PLCH1: variants seen among roughly 807,000 people sequenced by gnomAD.
The protein encoded by PLCH1 is 1-phosphatidylinositol 4,5-bisphosphate phosphodiesterase eta-1.
PLCH1 carries 60 observed loss-of-function variants against 126.7 expected under a neutral mutation model. That is an observed-to-expected ratio of 0.47 (90% CI 0.38 to 0.59). PLCH1 has a LOEUF of 0.59. Ranked by LOEUF, PLCH1 falls within the 20% of genes least tolerant of loss-of-function variation. The pLI, the probability that PLCH1 is intolerant of heterozygous loss-of-function variation, is 0.00. For synonymous variants in PLCH1, 719 were observed against 734.9 expected (o/e 0.98, Z 0.35); for missense variants, 1,723 against 2,040.0 (o/e 0.84, Z 2.99).
chr3:155,585,542 A>G (rs1056514890), intron 5 of PLCH1, among the ~76,000 whole-genome samples: 1 of 152,286 alleles, frequency 6.6e-6, no homozygotes, highest in East Asian at 1.9e-4. Flanking sequence ...ATTTTTCTCA[A>G]TGACTCATCA....
At position 155,555,201 on chromosome 3, in the gene PLCH1, C is replaced by T. The variant is rs572484035; in HGVS notation, c.1070-1005G>A. 1.1e-4 allele frequency among the ~76,000 whole-genome samples: 17 copies of T among 152,326 alleles called. No homozygotes were observed. The East Asian group carries it at 1.2e-3, about 10-fold the overall frequency. On this transcript the variant is annotated intron_variant, in intron 8 of 22. Coordinates refer to ENST00000460012, the MANE Select transcript of PLCH1 (RefSeq NM_014996.4). ...ATAGCTCTTGCGTGCTTACCTCCAACGCCCCTGTCTCTTGTGCTAGAGCCT... is the reference window on the plus strand; with the variant it reads ...ATAGCTCTTGCGTGCTTACCTCCAATGCCCCTGTCTCTTGTGCTAGAGCCT...
intron 1 of PLCH1, among the ~76,000 whole-genome samples, chr3:155,723,816 T>C (rs1357837462): frequency 2.6e-5 from 4 of 152,010 alleles, no homozygotes; most frequent in African/African-American, 9.7e-5. Flanking sequence ...TAGCTGGGCA[T>C]GGTCACAGGT....
Position 155,676,225 on chromosome 3 carries a change from T to C in PLCH1, c.79+27921A>G, listed in dbSNP as rs1744073621. Reference sequence around the variant, plus strand: ...GATGAGATCTTCACAATTCAGGCTTTATAGTGTGGAGAAAATAAATCCATG... The same window carrying C: ...GATGAGATCTTCACAATTCAGGCTTCATAGTGTGGAGAAAATAAATCCATG... On this transcript the variant is annotated intron_variant, in intron 2 of 22. Transcript: ENST00000460012. 4.0e-6 allele frequency: 5 copies of C among 1,253,704 alleles called. No homozygotes were observed. The South Asian group carries it at 1.4e-4, about 35-fold the overall frequency. The allele number at this position is 1,253,704 out of a possible 1,614,324, so 77.7% of individuals were successfully genotyped here. A position where few individuals can be genotyped will look rare whatever the true frequency, so the allele number is the denominator to read the frequency against.
chr3:155,681,406 C>G (rs1744523598), intron 2 of PLCH1, among the ~76,000 whole-genome samples: 1 of 152,130 alleles, frequency 6.6e-6, no homozygotes, highest in Non-Finnish European at 1.5e-5. Flanking sequence ...TTTCTCTAGT[C>G]TCAAATGTGG....
At chr3:155,626,698 G>A (rs1737310883) in intron 2 of PLCH1, among the ~76,000 whole-genome samples, 1 of 144,614 alleles carries the variant, frequency 6.9e-6, no homozygotes, top group Non-Finnish European at 1.5e-5. Flanking sequence ...GAACCCGGGA[G>A]GCAGAGCTTG....
chr3:155,732,551 C>T (rs1265625507), intron 1 of PLCH1, among the ~76,000 whole-genome samples: 1 of 150,934 alleles, frequency 6.6e-6, no homozygotes, highest in East Asian at 1.9e-4. Flanking sequence ...TAAACTAATT[C>T]AGTAAAGTTG....
chr3:155,473,185 G>C (rs1324566550), intron 21 of PLCH1, among the ~76,000 whole-genome samples: 1 of 150,926 alleles, frequency 6.6e-6, no homozygotes, highest in African/African-American at 2.4e-5. Flanking sequence ...AAACCCCATT[G>C]TCTCAGCCCA....
intron 6 of PLCH1, among the ~76,000 whole-genome samples, chr3:155,570,546 A>G (rs984651646): frequency 6.6e-6 from 1 of 152,226 alleles, no homozygotes; most frequent in African/African-American, 2.4e-5. Flanking sequence ...ACATTTATAT[A>G]ATGCTGTCAA....
At chr3:155,695,888 G>A (rs1379375653) in intron 2 of PLCH1, among the ~76,000 whole-genome samples, 1 of 152,202 alleles carries the variant, frequency 6.6e-6, no homozygotes, top group Non-Finnish European at 1.5e-5. Context: ...GCAAACGTCA[G>A]TGTTTCTGGG....
chr3:155,659,873 A>G (rs896681709), intron 2 of PLCH1, among the ~76,000 whole-genome samples: 7 of 152,054 alleles, frequency 4.6e-5, no homozygotes. Flanking sequence ...GGCTCAAGCA[A>G]TCCACCACCT....
intron 15 of PLCH1, among the ~76,000 whole-genome samples, chr3:155,495,184 C>A (rs144859976): frequency 6.6e-6 from 1 of 152,004 alleles, no homozygotes; most frequent in African/African-American, 2.4e-5. Context: ...CACCTAGCCA[C>A]GCATATAAAC....
In PLCH1 at chr3:155,480,863, A is replaced by G; in HGVS notation, c.*105T>C. 9.9e-7 allele frequency: 1 copy of G among 1,015,158 alleles called. No individual in the cohort carries two copies. Among genetic ancestry groups the G allele is most frequent in the Non-Finnish European group, 1.4e-6 (1 of 693,948 alleles). 62.9% of individuals were successfully genotyped at this position (1,015,158 alleles called of 1,614,324 possible). A position where few individuals can be genotyped will look rare whatever the true frequency, so the allele number is the denominator to read the frequency against. On this transcript the variant is annotated 3_prime_UTR_variant, in exon 23 of 23. Transcript: ENST00000460012. ...CAAAGGGAGACCCAAATACAAGTTT[A>G]AAAATACATTTGAAAATCATTCCAA...
intron 21 of PLCH1, among the ~76,000 whole-genome samples, chr3:155,468,290 A>G (rs955186467): frequency 6.6e-6 from 1 of 152,238 alleles, no homozygotes; most frequent in African/African-American, 2.4e-5. Flanking sequence ...ACTAAATCAT[A>G]TCACCAGAGA....
At chr3:155,675,957 A>G in intron 2 of PLCH1, 1 of 1,017,244 alleles carries the variant, frequency 9.8e-7, no homozygotes, top group Non-Finnish European at 1.5e-6. Context: ...TTTTACTAGG[A>G]CTATTACACT....
intron 1 of PLCH1, among the ~76,000 whole-genome samples, chr3:155,712,632 C>T (rs1430854854): frequency 1.3e-5 from 2 of 152,000 alleles, no homozygotes; most frequent in African/African-American, 4.8e-5. Flanking sequence ...CCCAGCTCCT[C>T]GGGAGGCTGA....
intron 2 of PLCH1, among the ~76,000 whole-genome samples, chr3:155,639,684 A>G (rs934747828): frequency 4.6e-5 from 7 of 152,184 alleles, no homozygotes; most frequent in African/African-American, 1.7e-4. Context: ...AGGAGAGCCT[A>G]TCTTACTCTA....
At chr3:155,714,780 T>G (rs1196734190) in intron 1 of PLCH1, among the ~76,000 whole-genome samples, 1 of 152,184 alleles carries the variant, frequency 6.6e-6, no homozygotes, top group African/African-American at 2.4e-5. Flanking sequence ...TTTTATGCAT[T>G]ACTGGACTTG....
At chr3:155,529,522 A>G (rs966535946) in intron 10 of PLCH1, among the ~76,000 whole-genome samples, 28 of 152,360 alleles carry the variant, frequency 1.8e-4, no homozygotes, top group African/African-American at 6.5e-4. Context: ...CTCCCAGTGA[A>G]TATAAAAGTT....
chr3:155,545,589 A>G (rs1725136825), intron 10 of PLCH1, among the ~76,000 whole-genome samples: 1 of 152,224 alleles, frequency 6.6e-6, no homozygotes, highest in Non-Finnish European at 1.5e-5. Context: ...AAACCAAAAA[A>G]GAGAATTTTA....
Sources: gnomAD v4.1 joint callset for allele counts (sites outside exome capture counted in the v4.1 genomes callset) on GRCh38, gnomAD v4.1.1 for gene constraint, MANE v1.5 for transcripts, NCBI Gene and HGNC (gene_info 2026-07-23, HGNC 2026-07-21) for gene names.